The following NUP155 variants were observed in gnomAD, a reference collection of about 807,000 sequenced individuals.
NUP155 encodes nucleoporin 155.
In NUP155, 71 loss-of-function variants were observed where a neutral mutation model predicts 180.4. The ratio of observed to expected loss-of-function variants is 0.39; its 90% CI spans 0.33 to 0.48. NUP155 has a LOEUF of 0.48. Among genes scored for constraint, NUP155 ranks in the 20% least tolerant of loss-of-function variants. NUP155 has a pLI of 0.91. For synonymous variants in NUP155, 582 were observed against 559.5 expected (o/e 1.04, Z -0.57); for missense variants, 1,553 against 1,648.9 (o/e 0.94, Z 1.01).
At chr5:37,357,152 A>C (rs1018696251) in intron 4 of NUP155, among the ~76,000 whole-genome samples, 6 of 151,734 alleles carry the variant, frequency 4.0e-5, no homozygotes, top group African/African-American at 1.5e-4. Context: ...GTGGCTCACA[A>C]GTGTTAACCC....
At chr5:37,344,031 T>C (rs1218841111) in intron 9 of NUP155, among the ~76,000 whole-genome samples, 1 of 152,122 alleles carries the variant, frequency 6.6e-6, no homozygotes, top group Non-Finnish European at 1.5e-5. Context: ...ACACTGCCTA[T>C]GTAATACTGG....
chr5:37,323,979 T>C lies in NUP155; in HGVS notation c.2207+13A>G, dbSNP rs750407695. 6.9e-7 allele frequency: 1 copy of C among 1,455,690 alleles called. No homozygotes were observed. The highest frequency in any genetic ancestry group is 1.7e-5 in the Admixed American group (1 of 59,804). 90.2% of individuals were successfully genotyped at this position (1,455,690 alleles called of 1,614,324 possible). A position where few individuals can be genotyped will look rare whatever the true frequency, so the allele number is the denominator to read the frequency against. On this transcript the variant is annotated intron_variant, in intron 20 of 34. Transcript: ENST00000231498. ...AAGAAAAAGATGAATTAATAAACCC[T>C]ATTTATTCTTACTTTGGATTTCCTA...
rs375117365 is a variant in NUP155, at chr5:37,364,239, T to G, written c.295+8A>C. The G allele has an allele frequency of 8.7e-6, 14 of 1,600,502 alleles. No individual in the cohort carries two copies. Among genetic ancestry groups the G allele is most frequent in the Non-Finnish European group, 1.1e-5 (13 of 1,167,848 alleles). ...CATTTTTAAAATAAATACAAAGTAA[T>G]AGGATACGTCCAAACTGCTCAACAA... On this transcript the variant is annotated splice_region_variant and intron_variant, in intron 2 of 34. Transcript: ENST00000231498.
chr5:37,367,522 ATTTTTCT>A (rs1472516844), intron 1 of NUP155, among the ~76,000 whole-genome samples: 3 of 135,548 alleles, frequency 2.2e-5, no homozygotes, highest in Non-Finnish European at 3.2e-5. Flanking sequence ...GCCAAACAGC[ATTTTTCT>A]TTTTCCTTTT....
Position 37,360,232 on chromosome 5 carries a change from C to G in NUP155, c.393-2081G>C, listed in dbSNP as rs1289890576. 3.3e-5 allele frequency among the ~76,000 whole-genome samples: 5 copies of G among 152,288 alleles called. No individual in the cohort carries two copies. The East Asian group carries it at 5.8e-4, about 18-fold the overall frequency. On this transcript the variant is annotated intron_variant, in intron 3 of 34. Coordinates refer to ENST00000231498, the MANE Select transcript of NUP155 (RefSeq NM_153485.3). ...GTGTGGTGGCTCACGCCTGTAATCCCCAGCATTTTGGGAGGCTGAGGCGGG... is the reference window on the plus strand; with the variant it reads ...GTGTGGTGGCTCACGCCTGTAATCCGCAGCATTTTGGGAGGCTGAGGCGGG...
chr5:37,348,744 T>C (rs1746266934), intron 8 of NUP155, 148 bp from the exon 9 acceptor site: 1 of 652,992 alleles, frequency 1.5e-6, no homozygotes, highest in Non-Finnish European at 2.8e-6. Context: ...AGGGGACCCT[T>C]CTGAGAAGTG....
At chr5:37,299,303 G>A (rs1343982819) in intron 31 of NUP155, 145 bp downstream of exon 31, 1 of 877,400 alleles carries the variant, frequency 1.1e-6, no homozygotes, top group Non-Finnish European at 1.9e-6. Flanking sequence ...ACCATACCCA[G>A]GTGACTTCCA....
At chr5:37,355,186 G>C (rs1355937808) in intron 4 of NUP155, among the ~76,000 whole-genome samples, 1 of 152,002 alleles carries the variant, frequency 6.6e-6, no homozygotes, top group East Asian at 1.9e-4. Flanking sequence ...TTGCAAAAAA[G>C]TAATTTTTGT....
At position 37,348,142 on chromosome 5, in the gene NUP155, A is replaced by AC. The variant is rs1157525802; in HGVS notation, c.995+362_995+363insG. Among the ~76,000 whole-genome samples, 14 of 152,146 alleles carry AC rather than the reference A, an allele frequency of 9.2e-5. 1 individual carries two copies. The East Asian group carries it at 2.5e-3, about 27-fold the overall frequency. On this transcript the variant is annotated intron_variant, in intron 9 of 34. Coordinates refer to ENST00000231498, the MANE Select transcript of NUP155 (RefSeq NM_153485.3). Reference sequence around the variant, plus strand: ...AGAGCGAAACTCCATCTCAAAAAAAATATATATAAAAATTAGCCAGGCATG... The same window carrying AC: ...AGAGCGAAACTCCATCTCAAAAAAAACTATATATAAAAATTAGCCAGGCATG...
chr5:37,349,061 T>TTG, intron 8 of NUP155, 111 bp downstream of exon 8: 1 of 320,182 alleles, frequency 3.1e-6, no homozygotes, highest in South Asian at 5.7e-5. Flanking sequence ...CAGCAGGCTT[T>TTG]TTTTTTTTTT....
Position 37,291,789 on chromosome 5 carries a change from T to C in NUP155, c.*111A>G, listed in dbSNP as rs1406317175. On this transcript the variant is annotated 3_prime_UTR_variant, in exon 35 of 35. Coordinates refer to ENST00000231498, the MANE Select transcript of NUP155 (RefSeq NM_153485.3). ...AGATATTAGCCACTTATTAAAAACA[T>C]ATTTCTATTAAGATTGTTCTTACAT... is the stretch of plus-strand genomic sequence containing the variant. The C allele has an allele frequency of 1.0e-6, 1 of 980,170 alleles. No individual in the cohort carries two copies. Among genetic ancestry groups the C allele is most frequent in the Non-Finnish European group, 1.6e-6 (1 of 631,522 alleles). 60.7% of individuals were successfully genotyped at this position (980,170 alleles called of 1,614,324 possible). A position where few individuals can be genotyped will look rare whatever the true frequency, so the allele number is the denominator to read the frequency against.
intron 10 of NUP155, 145 bp from the exon 11 acceptor site, chr5:37,341,387 A>G (rs917259163): frequency 2.7e-6 from 2 of 743,746 alleles, no homozygotes; most frequent in African/African-American, 1.7e-5. Flanking sequence ...TTGGAGATGG[A>G]GTCTAGCTCT....
At chr5:37,368,879 G>A (rs568728016) in intron 1 of NUP155, among the ~76,000 whole-genome samples, 9 of 152,080 alleles carry the variant, frequency 5.9e-5, no homozygotes, top group South Asian at 4.1e-4. Flanking sequence ...TTAATAGGCC[G>A]AAGGTGGCAG....
At chr5:37,335,638 A>C (rs1474034400) in intron 12 of NUP155, among the ~76,000 whole-genome samples, 2 of 152,156 alleles carry the variant, frequency 1.3e-5, no homozygotes, top group Non-Finnish European at 2.9e-5. Context: ...TTTTCTTACA[A>C]ACCATATAAT....
At chr5:37,323,843 T>C (rs1744406967) in intron 20 of NUP155, 149 bp downstream of exon 20, 2 of 625,084 alleles carry the variant, frequency 3.2e-6, no homozygotes, top group East Asian at 2.9e-5. Flanking sequence ...TAAAATTAGA[T>C]AGTGGTGATG....
At chr5:37,329,646 T>C (rs969776276) in intron 15 of NUP155, among the ~76,000 whole-genome samples, 2 of 152,236 alleles carry the variant, frequency 1.3e-5, no homozygotes, top group Non-Finnish European at 2.9e-5. Context: ...AAATATTTTC[T>C]AAATAGAAAT....
At chr5:37,334,417 G>T (rs1425736913) in intron 12 of NUP155, among the ~76,000 whole-genome samples, 1 of 150,276 alleles carries the variant, frequency 6.7e-6, no homozygotes, top group Non-Finnish European at 1.5e-5. Context: ...GTCTCACCCT[G>T]TTGCCAAGGC....
intron 20 of NUP155, among the ~76,000 whole-genome samples, chr5:37,318,893 A>T (rs1459245583): frequency 6.6e-6 from 1 of 152,244 alleles, no homozygotes; most frequent in Non-Finnish European, 1.5e-5. Flanking sequence ...GGAGAATCAT[A>T]CAGATAATGT....
In NUP155 at chr5:37,350,184, G is replaced by T. The variant is rs745904356; in HGVS notation, c.805C>A (p.Leu269Ile). ...SSLSFLVPSL[L>I]QFTFSEDDPI... ...CCATCTTCTGAGAACGTGAATTGTA[G>T]CAAGGAAGGAACAAGGAAAGAAAGT... The change falls in exon 7 of 35, where the codon CTA becomes ATA. Residue 269 changes from leucine to isoleucine, a missense_variant. Physicochemically the swap from Leu to Ile is conservative, Grantham distance 5 (BLOSUM62 2). Transcript: ENST00000231498. The T allele has an allele frequency of 1.4e-5, 23 of 1,613,422 alleles. No individual in the cohort carries two copies. Among genetic ancestry groups the T allele is most frequent in the Non-Finnish European group, 1.9e-5 (23 of 1,179,580 alleles).
Sources: gnomAD v4.1 joint callset for allele counts (sites outside exome capture counted in the v4.1 genomes callset) on GRCh38, gnomAD v4.1.1 for gene constraint, MANE v1.5 for transcripts, NCBI Gene and HGNC (gene_info 2026-07-23, HGNC 2026-07-21) for gene names.